The following KIF20B variants were observed in gnomAD, a reference collection of about 807,000 sequenced individuals.
KIF20B encodes the protein kinesin-like protein KIF20B.
Under a neutral mutation model 232.5 loss-of-function variants are expected in KIF20B, and 188 were observed. The observed-to-expected ratio is 0.81, with a 90% CI of 0.72 to 0.91. KIF20B has a LOEUF of 0.91. Among genes scored for constraint, KIF20B ranks in the 40% least tolerant of loss-of-function variants. The pLI is 0.00. For synonymous variants in KIF20B, 712 were observed against 683.0 expected (o/e 1.04, Z -0.66); for missense variants, 2,154 against 2,055.9 (o/e 1.05, Z -0.92).
At chr10:89,716,713 A>G (rs1252530528) in intron 9 of KIF20B, among the ~76,000 whole-genome samples, 166 bp downstream of exon 9, 2 of 152,226 alleles carry the variant, frequency 1.3e-5, no homozygotes, top group African/African-American at 2.4e-5. Flanking sequence ...ACGTTTATCA[A>G]TACTGTTTCC....
Position 89,755,272 on chromosome 10 carries a change from C to T in KIF20B, c.4503+599C>T, listed in dbSNP as rs552545679. Among the ~76,000 whole-genome samples the T allele has an allele frequency of 7.2e-5, 11 of 152,296 alleles. No homozygotes were observed. In the South Asian group the frequency reaches 1.0e-3, roughly 14 times the overall value. ...CCAGTGTCTATAAAAATAGTAACTT[C>T]GCAGTATCATATTGTCATCTGTTGG... is the stretch of plus-strand genomic sequence containing the variant. On this transcript the variant is annotated intron_variant, in intron 26 of 32. Coordinates refer to ENST00000371728, the MANE Select transcript of KIF20B (RefSeq NM_001284259.2).
At chr10:89,772,014 C>T (rs904488048) in intron 31 of KIF20B, among the ~76,000 whole-genome samples, 7 of 151,502 alleles carry the variant, frequency 4.6e-5, no homozygotes, top group Admixed American at 4.6e-4. Flanking sequence ...AAGTAGTCTT[C>T]TCAATTTAGT....
At chr10:89,753,711 C>A (rs941367252) in intron 25 of KIF20B, among the ~76,000 whole-genome samples, 1 of 152,078 alleles carries the variant, frequency 6.6e-6, no homozygotes, top group Non-Finnish European at 1.5e-5. Flanking sequence ...GCCTCCACCC[C>A]CTGGGTTCAA....
At chr10:89,772,127 T>TA (rs1164080357) in intron 31 of KIF20B, among the ~76,000 whole-genome samples, 2 of 151,830 alleles carry the variant, frequency 1.3e-5, no homozygotes, top group Admixed American at 6.6e-5. Context: ...TGTTTTCTAT[T>TA]AAAAAAAAGT....
intron 1 of KIF20B, among the ~76,000 whole-genome samples, chr10:89,705,088 A>G (rs951826109): frequency 3.3e-5 from 5 of 152,248 alleles, no homozygotes; most frequent in African/African-American, 1.2e-4. Context: ...GGCTGTGTTC[A>G]GTATTATTAG....
In KIF20B at chr10:89,760,556, C is replaced by T. The variant is rs764038459; in HGVS notation, c.4711C>T (p.Arg1571Cys). Reference sequence around the variant, plus strand: ...ACAAATCATGGATATCAAGCCCAAACGTATTAGTTCAGCAGATCCTGACAA... The same window carrying T: ...ACAAATCATGGATATCAAGCCCAAATGTATTAGTTCAGCAGATCCTGACAA... ...ETQIMDIKPKRISSADPDKLQ... is the reference protein window; with the variant it reads ...ETQIMDIKPKCISSADPDKLQ... Residue 1571 changes from arginine to cysteine, a missense_variant, in exon 28 of 33, where the codon CGT becomes TGT. Transcript: ENST00000371728. 1.2e-5 allele frequency: 20 copies of T among 1,612,374 alleles called. No individual in the cohort carries two copies. The highest frequency in any genetic ancestry group is 4.0e-5 in the African/African-American group (3 of 74,852).
chr10:89,772,333 T>C (rs906003966), intron 31 of KIF20B, among the ~76,000 whole-genome samples: 63 of 152,212 alleles, frequency 4.1e-4, no homozygotes, highest in African/African-American at 1.5e-3. Flanking sequence ...ACCACCTTAT[T>C]TTTAATGCTG....
At position 89,709,936 on chromosome 10, in the gene KIF20B, C is replaced by T. The variant is rs372714100; in HGVS notation, c.361C>T (p.Pro121Ser). 5.5e-5 allele frequency: 87 copies of T among 1,568,932 alleles called. No homozygotes were observed. The South Asian group carries it at 7.1e-4, about 13-fold the overall frequency. The change falls in exon 5 of 33, where the codon CCA becomes TCA. Residue 121 changes from proline (P) to serine (S), a missense_variant. Coordinates refer to ENST00000371728, the MANE Select transcript of KIF20B (RefSeq NM_001284259.2). ...QKFSFSKVFG[P>S]ATTQKEFFQG... ...AAAAATGTTTGCTTAGGTTTTTGGC[C>T]CAGCAACTACACAGAAGGAATTCTT...
rs1843220865 is a variant in KIF20B, at chr10:89,727,734, A to G, written c.2231-122A>G. 3.4e-6 allele frequency: 3 copies of G among 884,928 alleles called. No homozygotes were observed. In the Admixed American group the frequency reaches 1.1e-4, roughly 32 times the overall value. 54.8% of individuals were successfully genotyped at this position (884,928 alleles called of 1,614,324 possible). A position where few individuals can be genotyped will look rare whatever the true frequency, so the allele number is the denominator to read the frequency against. On this transcript the variant is annotated intron_variant, in intron 16 of 32. Transcript: ENST00000371728. ...GTAGGGTGTGCTTCTAGTGCTATCA[A>G]AATCCTTTTTATTGAATGTAACAGT...
chr10:89,774,123 A>AC lies in KIF20B; in HGVS notation c.*75_*76insC. 1 of 864,378 alleles carries AC rather than the reference A, an allele frequency of 1.2e-6. No individual in the cohort carries two copies. The highest frequency in any genetic ancestry group is 1.8e-6 in the Non-Finnish European group (1 of 555,144). 53.5% of individuals were successfully genotyped at this position (864,378 alleles called of 1,614,324 possible). On this transcript the variant is annotated 3_prime_UTR_variant, in exon 33 of 33. Coordinates refer to ENST00000371728, the MANE Select transcript of KIF20B (RefSeq NM_001284259.2). Reference sequence around the variant, plus strand: ...ACTTGCATCCTGTATTGTAAATATAAATGTATATATTATGCATTAAATCAC... The same window carrying AC: ...ACTTGCATCCTGTATTGTAAATATAACATGTATATATTATGCATTAAATCAC...
rs1564667023 is a variant in KIF20B at position 89,738,122 on chromosome 10, G to A, written c.3281G>A (p.Gly1094Asp). 1 of 1,608,080 alleles carries A rather than the reference G, an allele frequency of 6.2e-7. No homozygotes were observed. The highest frequency in any genetic ancestry group is 8.5e-7 in the Non-Finnish European group (1 of 1,179,120). ...GAAAAATTGCAGGCAGAAGTAAAAG[G>A]CTATAAGGATGAAAACAATAGACTA... Reference protein sequence around the residue: ...QIEKLQAEVKGYKDENNRLKE... With the variant: ...QIEKLQAEVKDYKDENNRLKE... Residue 1094 changes from glycine (G) to aspartate (D), a missense_variant, in exon 20 of 33, where the codon GGC becomes GAC. By Grantham distance (94) the Gly-to-Asp change is moderately conservative (BLOSUM62 -1). Transcript: ENST00000371728.
At chr10:89,740,174 T>A (rs1015096736) in intron 21 of KIF20B, among the ~76,000 whole-genome samples, 79 of 152,184 alleles carry the variant, frequency 5.2e-4, no homozygotes, top group South Asian at 3.1e-3. Context: ...TTTTTATTTC[T>A]ATTTGTCTAT....
At chr10:89,745,832 A>T in intron 22 of KIF20B, 67 bp from the exon 23 acceptor site, 1 of 1,046,946 alleles carries the variant, frequency 9.6e-7, no homozygotes, top group Non-Finnish European at 1.5e-6. Flanking sequence ...CCTGTTTTCA[A>T]GATCCACTGT....
rs769035292 is a variant in KIF20B at position 89,718,733 on chromosome 10, G to A, written c.1295G>A (p.Arg432Gln). The A allele has an allele frequency of 6.8e-6, 11 of 1,607,500 alleles. No homozygotes were observed. Among genetic ancestry groups the A allele is most frequent in the Non-Finnish European group, 8.5e-6 (10 of 1,178,388 alleles). The change falls in exon 12 of 33, where the codon CGG becomes CAG. Residue 432 changes from arginine (R) to glutamine (Q), a missense_variant. Transcript: ENST00000371728. ...AGGTTTCAACAGCATGTGCCTTTCC[G>A]GGAAAGTAAACTGACTCACTATTTT... ...KSKFQQHVPF[R>Q]ESKLTHYFQS...
chr10:89,708,661 T>G (rs1842776701), intron 2 of KIF20B, among the ~76,000 whole-genome samples: 1 of 152,230 alleles, frequency 6.6e-6, no homozygotes, highest in Non-Finnish European at 1.5e-5. Flanking sequence ...CTGTTTTGAT[T>G]AAGTTGCATT....
At position 89,711,110 on chromosome 10, in the gene KIF20B, G is replaced by A. The variant is rs780841689; in HGVS notation, c.640G>A (p.Ala214Thr). The change falls in exon 6 of 33, where the codon GCT (alanine) becomes ACT (threonine). Residue 214 changes from alanine (A) to threonine (T), a missense_variant. Physicochemically the swap from Ala to Thr is moderately conservative, Grantham distance 58. Transcript: ENST00000371728. ...ATCAGAACAAGAGAAAGAAGAAATT[G>A]CTAGCAAAAGTGCATTGCTTCGGCA... ...LSSEQEKEEI[A>T]SKSALLRQIK... 1 of 1,560,174 alleles carries A rather than the reference G, an allele frequency of 6.4e-7. No individual in the cohort carries two copies.
At chr10:89,747,736 T>C (rs555056808) in intron 23 of KIF20B, among the ~76,000 whole-genome samples, 55 of 109,418 alleles carry the variant, frequency 5.0e-4, no homozygotes, top group East Asian at 3.6e-3. Flanking sequence ...GGGACTGTTA[T>C]GGGGTGGGGG....
rs1332127135 is a variant in KIF20B at position 89,738,309 on chromosome 10, T to A, written c.3468T>A (p.Val1156=). 6.2e-7 allele frequency: 1 copy of A among 1,612,320 alleles called. No individual in the cohort carries two copies. The highest frequency in any genetic ancestry group is 8.5e-7 in the Non-Finnish European group (1 of 1,179,462). The change falls in exon 20 of 33, where the codon GTT becomes GTA. Residue 1156 remains valine (V), a synonymous_variant. Coordinates refer to ENST00000371728, the MANE Select transcript of KIF20B (RefSeq NM_001284259.2). The part of the protein sequence containing the change: ...KRALSELTQG[V]TCYKAKIKEL... ...CGCTTTCAGAACTTACACAAGGTGT[T>A]ACTTGCTATAAGGCAAAAATAAAGG...
In KIF20B at chr10:89,709,199, G is replaced by C; in HGVS notation, c.180G>C (p.Gln60His). 1 of 1,609,994 alleles carries C rather than the reference G, an allele frequency of 6.2e-7. No individual in the cohort carries two copies. The highest frequency in any genetic ancestry group is 8.5e-7 in the Non-Finnish European group (1 of 1,177,398). ...ANSFESKDYL[Q>H]VCLRIRPFTQ... ...GTTTCGAATCTAAAGATTATCTCCA[G>C]GTTTGTCTTCGAATAAGACCATTTA... is the stretch of plus-strand genomic sequence containing the variant. Residue 60 changes from glutamine (Q) to histidine (H), a missense_variant, in exon 3 of 33, where the codon CAG (glutamine) becomes CAC (histidine). Coordinates refer to ENST00000371728, the MANE Select transcript of KIF20B (RefSeq NM_001284259.2).
Sources: allele counts gnomAD v4.1 joint callset (sites outside exome capture counted in the v4.1 genomes callset), GRCh38; gene constraint gnomAD v4.1.1; transcripts MANE v1.5; gene names NCBI Gene and HGNC (gene_info 2026-07-23, HGNC 2026-07-21).